Variants in SLC4A8 observed in about 807,000 individuals in gnomAD.
SLC4A8 encodes solute carrier family 4 member 8, also known as electroneutral sodium bicarbonate exchanger 1.
Under a neutral mutation model 125.0 loss-of-function variants are expected in SLC4A8, and 40 were observed. That is an observed-to-expected ratio of 0.32 (90% CI 0.25 to 0.42). The LOEUF (loss-of-function observed/expected upper bound fraction) is 0.42, where lower values mean the gene tolerates loss of function less well. Ranked by LOEUF, SLC4A8 falls within the 10% of genes least tolerant of loss-of-function variation. SLC4A8 has a pLI of 1.00. For missense variants in SLC4A8, 863 were observed against 1,355.1 expected (o/e 0.64, Z 5.70); for synonymous variants, 456 against 476.0 (o/e 0.96, Z 0.55).
chr12:51,419,172 C>G (rs1405758842), intron 1 of SLC4A8, among the ~76,000 whole-genome samples: 1 of 152,170 alleles, frequency 6.6e-6, no homozygotes, highest in African/African-American at 2.4e-5. Context: ...TATTAACTGC[C>G]CTGGGCAAGT....
intron 9 of SLC4A8, chr12:51,462,039 G>C (rs1950342263): frequency 6.4e-6 from 2 of 311,734 alleles, no homozygotes; most frequent in Non-Finnish European, 1.2e-5. Context: ...CCTTTGTGGA[G>C]ATAACATAAT....
At chr12:51,482,230 A>G (rs1565811809) in intron 16 of SLC4A8, among the ~76,000 whole-genome samples, 2 of 152,318 alleles carry the variant, frequency 1.3e-5, no homozygotes, top group East Asian at 1.9e-4. Flanking sequence ...AAAACGTTTC[A>G]TCAATATTTT....
chr12:51,400,759 TATATATATATATATATATACATAC>T (rs1465222246), intron 1 of SLC4A8, among the ~76,000 whole-genome samples: 1,616 of 6,450 alleles, frequency 0.25, 235 homozygotes, highest in Non-Finnish European at 0.28. Context: ...TATATATATA[TATATATATATATATATATACATAC>T]ATACACACAC....
chr12:51,514,413 C>G lies in SLC4A8; in HGVS notation c.*6975C>G, dbSNP rs1938465440. On this transcript the variant is annotated 3_prime_UTR_variant, in exon 25 of 25. Coordinates refer to ENST00000453097, the MANE Select transcript of SLC4A8 (RefSeq NM_001039960.3). ...CCTTTACTGTCTCGGCTTTTTCAAGCACCCCTTTCACCTCTCTTTTCTGCC... is the reference window on the plus strand; with the variant it reads ...CCTTTACTGTCTCGGCTTTTTCAAGGACCCCTTTCACCTCTCTTTTCTGCC... 1 of 152,564 alleles carries G rather than the reference C, an allele frequency of 6.6e-6. No individual in the cohort carries two copies. Among genetic ancestry groups the G allele is most frequent in the Non-Finnish European group, 1.5e-5 (1 of 68,050 alleles). 9.5% of individuals were successfully genotyped at this position (152,564 alleles called of 1,614,324 possible). A position where few individuals can be genotyped will look rare whatever the true frequency, so the allele number is the denominator to read the frequency against.
upstream of SLC4A8, among the ~76,000 whole-genome samples, chr12:51,424,051 A>AC (rs1565762096): frequency 6.8e-5 from 3 of 44,020 alleles, 1 homozygote; most frequent in African/African-American, 6.6e-5. Flanking sequence ...AAAAAAAAAA[A>AC]AACAAAAAAA....
Position 51,424,868 on chromosome 12 carries a change from T to A in SLC4A8, c.-120T>A, listed in dbSNP as rs925720987. 8.9e-7 allele frequency: 1 copy of A among 1,123,598 alleles called. No individual in the cohort carries two copies. Among genetic ancestry groups the A allele is most frequent in the Non-Finnish European group, 1.3e-6 (1 of 782,482 alleles). 69.6% of individuals were successfully genotyped at this position (1,123,598 alleles called of 1,614,324 possible). A position where few individuals can be genotyped will look rare whatever the true frequency, so the allele number is the denominator to read the frequency against. Reference sequence around the variant, plus strand: ...CTATGGAGGCGGCGGCGGTTGATGGTTGACCGTTGGCTCCGGGGTGGGGGT... The same window carrying A: ...CTATGGAGGCGGCGGCGGTTGATGGATGACCGTTGGCTCCGGGGTGGGGGT... On this transcript the variant is annotated 5_prime_UTR_variant, in exon 1 of 25. In the 5' UTR this introduces an upstream ATG that the reference lacks. Coordinates refer to ENST00000453097, the MANE Select transcript of SLC4A8 (RefSeq NM_001039960.3).
intron 16 of SLC4A8, among the ~76,000 whole-genome samples, chr12:51,477,594 A>G (rs1335862598): frequency 6.6e-6 from 1 of 152,228 alleles, no homozygotes; most frequent in African/African-American, 2.4e-5. Flanking sequence ...CCCAAAAAGT[A>G]TAATGTTTAT....
At chr12:51,440,980 G>C (rs1949576215) in intron 2 of SLC4A8, 191 bp downstream of exon 2, 1 of 974,720 alleles carries the variant, frequency 1.0e-6, no homozygotes, top group Admixed American at 3.9e-5. Context: ...ACCTTACAGG[G>C]ATATCATTAG....
At chr12:51,483,367 GAAAGAA>G (rs1405786915) in intron 16 of SLC4A8, among the ~76,000 whole-genome samples, 4 of 143,300 alleles carry the variant, frequency 2.8e-5, no homozygotes, top group African/African-American at 1.0e-4. Context: ...AAAAAAAAAA[GAAAGAA>G]AAAGAAAAGA....
At position 51,477,656 on chromosome 12, in the gene SLC4A8, G is replaced by T. The variant is rs371494869; in HGVS notation, c.2172+2450G>T. 4.6e-5 allele frequency among the ~76,000 whole-genome samples: 7 copies of T among 152,294 alleles called. No homozygotes were observed. In the East Asian group the frequency reaches 1.4e-3, roughly 29 times the overall value. ...CATACCACATGATGACTCCCTGGAAGTTATCATGTGAAGTTCCCCAAATTA... is the reference window on the plus strand; with the variant it reads ...CATACCACATGATGACTCCCTGGAATTTATCATGTGAAGTTCCCCAAATTA... On this transcript the variant is annotated intron_variant, in intron 16 of 24. Coordinates refer to ENST00000453097, the MANE Select transcript of SLC4A8 (RefSeq NM_001039960.3).
intron 17 of SLC4A8, among the ~76,000 whole-genome samples, chr12:51,488,224 T>C (rs952146521): frequency 1.3e-5 from 2 of 152,182 alleles, no homozygotes; most frequent in Non-Finnish European, 2.9e-5. Flanking sequence ...AGAAGAAAAG[T>C]TTTTTATTTC....
intron 1 of SLC4A8, among the ~76,000 whole-genome samples, chr12:51,400,220 A>G (rs1948346491): frequency 6.6e-6 from 1 of 152,242 alleles, no homozygotes; most frequent in South Asian, 2.1e-4. Flanking sequence ...AGGAAGCCCT[A>G]AAGTAGAATA....
At chr12:51,405,976 G>A (rs1248059817) in intron 1 of SLC4A8, among the ~76,000 whole-genome samples, 1 of 152,222 alleles carries the variant, frequency 6.6e-6, no homozygotes, top group African/African-American at 2.4e-5. Context: ...AGCAGATCAT[G>A]TGGCATTAAA....
At chr12:51,473,834 G>C (rs1950780168) in intron 14 of SLC4A8, among the ~76,000 whole-genome samples, 1 of 152,204 alleles carries the variant, frequency 6.6e-6, no homozygotes, top group Non-Finnish European at 1.5e-5. Flanking sequence ...AGATAACTCA[G>C]TGTCAGAAAG....
At position 51,424,897 on chromosome 12, in the gene SLC4A8, C is replaced by A; in HGVS notation, c.-91C>A. 7.3e-7 allele frequency: 1 copy of A among 1,367,698 alleles called. No homozygotes were observed. Among genetic ancestry groups the A allele is most frequent in the South Asian group, 1.3e-5 (1 of 78,950 alleles). The allele number at this position is 1,367,698 out of a possible 1,614,324, so 84.7% of individuals were successfully genotyped here. ...CCGTTGGCTCCGGGGTGGGGGTCGC[C>A]GTTCGAGTGATCTGCTCAGACCCGA... On this transcript the variant is annotated 5_prime_UTR_variant, in exon 1 of 25. Transcript: ENST00000453097.
intron 1 of SLC4A8, among the ~76,000 whole-genome samples, chr12:51,428,423 T>A (rs1592165685): frequency 6.6e-6 from 1 of 152,202 alleles, no homozygotes; most frequent in African/African-American, 2.4e-5. Context: ...CAAAGCCAGA[T>A]GCCTCCCCTT....
At chr12:51,396,925 A>ATTTTTTTTTTTT (rs753146267) in intron 1 of SLC4A8, among the ~76,000 whole-genome samples, 2 of 106,314 alleles carry the variant, frequency 1.9e-5, no homozygotes, top group Non-Finnish European at 1.8e-5. Context: ...GCCTTAGTTA[A>ATTTTTTTTTTTT]TTTTTTTTTT....
chr12:51,416,222 T>G lies in SLC4A8; in HGVS notation c.-111-24486T>G, dbSNP rs60675901. Among the ~76,000 whole-genome samples, 1,245 of 149,964 alleles carry G rather than the reference T, an allele frequency of 8.3e-3. 20 individuals carry two copies. The highest frequency in any genetic ancestry group is 0.029 in the African/African-American group (1,173 of 40,896). On this transcript the variant is annotated intron_variant, in intron 1 of 24. Transcript: ENST00000358657. ...GATGGAGGTCTTTTGTTTTTTTTTT[T>G]TTTTTTTTTTGAGAATTTGTGTTTT...
At chr12:51,483,890 C>T (rs1293942142) in intron 16 of SLC4A8, among the ~76,000 whole-genome samples, 2 of 152,012 alleles carry the variant, frequency 1.3e-5, no homozygotes, top group African/African-American at 2.4e-5. Context: ...CCTCCCTGCT[C>T]CCCCCACCCC....
Sources: gnomAD v4.1 joint callset for allele counts (sites outside exome capture counted in the v4.1 genomes callset) on GRCh38, gnomAD v4.1.1 for gene constraint, MANE v1.5 for transcripts, NCBI Gene and HGNC (gene_info 2026-07-23, HGNC 2026-07-21) for gene names.